Variants in GALNT13 observed in about 807,000 individuals in gnomAD.
GALNT13 encodes polypeptide N-acetylgalactosaminyltransferase 13, also known as UDP-GalNAc:polypeptide N-acetylgalactosaminyltransferase 13.
In GALNT13, 28 loss-of-function variants were observed where a neutral mutation model predicts 64.2. That is an observed-to-expected ratio of 0.44 (90% CI 0.32 to 0.60). The LOEUF (loss-of-function observed/expected upper bound fraction) is 0.60, where lower values mean the gene tolerates loss of function less well. GALNT13 is among the 20% of genes least tolerant of loss of function. The probability of loss-of-function intolerance (pLI) is 0.05; values close to 1 mark genes in which losing one functional copy is unlikely to be tolerated. For missense variants in GALNT13, 577 were observed against 669.8 expected, an observed-to-expected ratio of 0.86 and a Z score of 1.53; for synonymous variants, 214 against 224.6, an observed-to-expected ratio of 0.95 and a Z score of 0.42.
intron 3 of GALNT13, among the ~76,000 whole-genome samples, chr2:154,025,460 A>G (rs756500715): frequency 6.6e-6 from 1 of 152,166 alleles, no homozygotes; most frequent in African/African-American, 2.4e-5. Flanking sequence ...CACATAACAC[A>G]TTCATTCTTT....
the GALNT13 span, among the ~76,000 whole-genome samples, chr2:153,280,349 T>G: frequency 2.0e-5 from 3 of 152,284 alleles, no homozygotes; most frequent in Non-Finnish European, 4.4e-5. Flanking sequence ...CATTGATTTT[T>G]GGGTCTCAAA....
intron 3 of GALNT13, among the ~76,000 whole-genome samples, chr2:154,016,085 T>A (rs2105262744): frequency 6.6e-6 from 1 of 152,310 alleles, no homozygotes; most frequent in Non-Finnish European, 1.5e-5. Flanking sequence ...TTTGGACAAA[T>A]ATCTGACAGA....
At chr2:154,271,196 A>G (rs779089665) in intron 8 of GALNT13, among the ~76,000 whole-genome samples, 2 of 151,932 alleles carry the variant, frequency 1.3e-5, no homozygotes, top group Non-Finnish European at 2.9e-5. Context: ...CTTGGATACA[A>G]CTTGGTAAAG....
intron 3 of GALNT13, among the ~76,000 whole-genome samples, chr2:154,107,447 G>T (rs376431136): frequency 6.6e-6 from 1 of 151,696 alleles, no homozygotes; most frequent in Admixed American, 6.6e-5. Flanking sequence ...AAAATTAGCT[G>T]GGCGTAGTGG....
chr2:153,615,474 T>C, the GALNT13 span, among the ~76,000 whole-genome samples: 2 of 152,118 alleles, frequency 1.3e-5, no homozygotes, highest in Non-Finnish European at 2.9e-5. Context: ...GAAGTTATAC[T>C]AATTTACATT....
At chr2:153,434,360 G>A in the GALNT13 span, among the ~76,000 whole-genome samples, 2 of 152,182 alleles carry the variant, frequency 1.3e-5, no homozygotes, top group Non-Finnish European at 2.9e-5. Context: ...TGGGATGGCT[G>A]GGTCAAATGG....
chr2:154,301,314 GAA>G, intron 8 of GALNT13, 93 bp from the exon 9 acceptor site: 1 of 1,087,886 alleles, frequency 9.2e-7, no homozygotes, highest in South Asian at 1.6e-5. Flanking sequence ...ATATTTGCTT[GAA>G]ACATGTAAAA....
intron 3 of GALNT13, among the ~76,000 whole-genome samples, chr2:154,036,094 T>C (rs934433660): frequency 2.0e-5 from 3 of 152,106 alleles, no homozygotes; most frequent in Non-Finnish European, 4.4e-5. Flanking sequence ...TTCTAAATAA[T>C]CATTTATTAA....
chr2:153,904,116 ATGTT>A (rs1343415004), intron 2 of GALNT13, among the ~76,000 whole-genome samples: 3 of 151,886 alleles, frequency 2.0e-5, no homozygotes, highest in African/African-American at 7.2e-5. Context: ...TTCTGAATGT[ATGTT>A]TGTTTTTAAG....
At chr2:153,888,454 C>G (rs1687335521) in intron 1 of GALNT13, among the ~76,000 whole-genome samples, 1 of 151,824 alleles carries the variant, frequency 6.6e-6, no homozygotes, top group South Asian at 2.1e-4. Flanking sequence ...TTTCATATTG[C>G]AAGTAAATAA....
chr2:153,530,662 C>A, the GALNT13 span, among the ~76,000 whole-genome samples: 336 of 151,264 alleles, frequency 2.2e-3, no homozygotes, highest in Admixed American at 3.1e-3. Flanking sequence ...GTACTGGCAA[C>A]AAAACAGAAC....
intron 9 of GALNT13, 75 bp downstream of exon 9, chr2:154,301,664 T>C (rs1693448129): frequency 1.1e-6 from 1 of 943,510 alleles, no homozygotes; most frequent in Non-Finnish European, 1.6e-6. Flanking sequence ...TGTTTCATTA[T>C]TGCTGTTATT....
the GALNT13 span, chr2:153,159,472 T>C: frequency 6.6e-6 from 1 of 152,306 alleles, no homozygotes; most frequent in African/African-American, 2.4e-5. Flanking sequence ...TTGCTATGAC[T>C]TTGGAGAATA....
Position 154,353,618 on chromosome 2 carries a change from G to C in GALNT13, c.1157-42373G>C, listed in dbSNP as rs377239100. Reference sequence around the variant, plus strand: ...TGTTAGCCCTAGATTTTTTCTGCAAGTTTGACCTTTTTATTTTAATTTCAC... The same window carrying C: ...TGTTAGCCCTAGATTTTTTCTGCAACTTTGACCTTTTTATTTTAATTTCAC... On this transcript the variant is annotated intron_variant, in intron 9 of 12. Transcript: ENST00000392825. Among the ~76,000 whole-genome samples the C allele has an allele frequency of 1.1e-4, 17 of 152,168 alleles. No individual in the cohort carries two copies. The East Asian group carries it at 3.3e-3, about 29-fold the overall frequency.
At chr2:153,872,623 G>A (rs1030285282) in intron 1 of GALNT13, among the ~76,000 whole-genome samples, 1 of 98,136 alleles carries the variant, frequency 1.0e-5, no homozygotes, top group Admixed American at 1.3e-4. Context: ...TGGTGGCGGG[G>A]GGGGGGGGGG....
intron 4 of GALNT13, among the ~76,000 whole-genome samples, chr2:154,153,632 A>G (rs1171247462): frequency 2.0e-5 from 3 of 152,216 alleles, no homozygotes; most frequent in African/African-American, 7.2e-5. Context: ...AGCCTGGGCA[A>G]TGGCGGGCGC....
chr2:153,488,025 C>T, the GALNT13 span, among the ~76,000 whole-genome samples: 2 of 152,278 alleles, frequency 1.3e-5, no homozygotes, highest in African/African-American at 4.8e-5. Flanking sequence ...AGCATAAAGT[C>T]TTATACATTA....
At chr2:153,585,247 A>G in the GALNT13 span, among the ~76,000 whole-genome samples, 2 of 152,186 alleles carry the variant, frequency 1.3e-5, no homozygotes, top group African/African-American at 4.8e-5. Flanking sequence ...ACCAAATAGA[A>G]ATTCTGAGAC....
chr2:154,326,484 C>G (rs1694881895), intron 9 of GALNT13, among the ~76,000 whole-genome samples: 1 of 151,936 alleles, frequency 6.6e-6, no homozygotes, highest in Non-Finnish European at 1.5e-5. Context: ...ACTGGGAATT[C>G]TGTATTTTTA....
Sources: gnomAD v4.1 joint callset for allele counts (sites outside exome capture counted in the v4.1 genomes callset) on GRCh38, gnomAD v4.1.1 for gene constraint, MANE v1.5 for transcripts, NCBI Gene and HGNC (gene_info 2026-07-23, HGNC 2026-07-21) for gene names.